Variants in CNBD1 observed in about 807,000 individuals in gnomAD.
The protein encoded by CNBD1 is cyclic nucleotide binding domain containing 1, also known as cyclic nucleotide-binding domain-containing protein 1.
Under a neutral mutation model 54.4 loss-of-function variants are expected in CNBD1, and 71 were observed. The observed-to-expected ratio is 1.30, with a 90% CI of 1.08 to 1.59. The LOEUF (loss-of-function observed/expected upper bound fraction) is 1.59. CNBD1 is among the 40% of genes most tolerant of loss of function. The pLI is 0.00. For missense variants in CNBD1, 659 were observed against 518.0 expected (o/e 1.27, Z -2.64); for synonymous variants, 182 against 170.7 (o/e 1.07, Z -0.51).
intron 6 of CNBD1, among the ~76,000 whole-genome samples, chr8:87,264,305 A>G (rs891553727): frequency 6.6e-6 from 1 of 152,126 alleles, no homozygotes; most frequent in African/African-American, 2.4e-5. Context: ...AGCTTCATCC[A>G]TGTCCCTACA....
intron 6 of CNBD1, among the ~76,000 whole-genome samples, chr8:87,248,334 G>C (rs542887166): frequency 1.3e-5 from 2 of 152,284 alleles, no homozygotes; most frequent in South Asian, 4.1e-4. Context: ...TCTCCTAAAA[G>C]TTCACAATGG....
intron 4 of CNBD1, among the ~76,000 whole-genome samples, chr8:87,167,937 C>G (rs1443191056): frequency 1.3e-5 from 2 of 151,950 alleles, no homozygotes; most frequent in East Asian, 3.9e-4. Context: ...GGCTATATAA[C>G]ATAGCTATTG....
At chr8:87,403,832 G>T (rs1184184145) in intron 2 of CNBD1, among the ~76,000 whole-genome samples, 1 of 151,754 alleles carries the variant, frequency 6.6e-6, no homozygotes, top group Non-Finnish European at 1.5e-5. Flanking sequence ...CAATTCTTTT[G>T]GATCCCTGGA....
intron 6 of CNBD1, among the ~76,000 whole-genome samples, chr8:87,272,065 G>A (rs1246285591): frequency 6.6e-6 from 1 of 151,906 alleles, no homozygotes; most frequent in South Asian, 2.1e-4. Flanking sequence ...TAAAATGTAG[G>A]CTGGTGGTTA....
At chr8:87,093,162 A>AC (rs1266004824) in intron 4 of CNBD1, among the ~76,000 whole-genome samples, 1 of 152,186 alleles carries the variant, frequency 6.6e-6, no homozygotes, top group Non-Finnish European at 1.5e-5. Flanking sequence ...ACTTAGGAAA[A>AC]TGGCTAATTC....
intron 4 of CNBD1, among the ~76,000 whole-genome samples, chr8:87,175,908 G>C (rs1360648197): frequency 6.6e-6 from 1 of 152,200 alleles, no homozygotes; most frequent in Non-Finnish European, 1.5e-5. Flanking sequence ...TGGGATGGGT[G>C]ATTCTCCTCT....
At chr8:87,423,366 A>G (rs36141716) in intron 2 of CNBD1, among the ~76,000 whole-genome samples, 78,491 of 142,478 alleles carry the variant, frequency 0.55, 23,147 homozygotes, top group African/African-American at 0.75. Context: ...TTTTCAAAGG[A>G]AATGCTTCCA....
intron 4 of CNBD1, among the ~76,000 whole-genome samples, chr8:87,144,562 G>A (rs1275128854): frequency 6.6e-6 from 1 of 152,088 alleles, no homozygotes; most frequent in Non-Finnish European, 1.5e-5. Flanking sequence ...AAATGTAATT[G>A]TAGAATCCCA....
chr8:87,109,267 A>G (rs921983676), intron 4 of CNBD1, among the ~76,000 whole-genome samples: 10 of 151,920 alleles, frequency 6.6e-5, no homozygotes, highest in African/African-American at 9.7e-5. Context: ...TCATAGGACT[A>G]TTTTGTCTTT....
At chr8:86,886,370 C>A (rs1346711743) in intron 1 of CNBD1, among the ~76,000 whole-genome samples, 10 of 152,056 alleles carry the variant, frequency 6.6e-5, no homozygotes, top group Non-Finnish European at 1.5e-4. Flanking sequence ...TTAAGGCTTA[C>A]CTGAGCAATG....
At chr8:87,303,275 G>C (rs578059585) in intron 8 of CNBD1, among the ~76,000 whole-genome samples, 1 of 151,772 alleles carries the variant, frequency 6.6e-6, no homozygotes, top group Admixed American at 6.6e-5. Flanking sequence ...CATGGTACTG[G>C]TACCAAAACA....
intron 5 of CNBD1, among the ~76,000 whole-genome samples, chr8:87,210,909 C>T (rs917524056): frequency 2.0e-5 from 3 of 152,162 alleles, no homozygotes; most frequent in Non-Finnish European, 4.4e-5. Flanking sequence ...CACTACTGTT[C>T]TCTAGACCCC....
intron 10 of CNBD1, among the ~76,000 whole-genome samples, chr8:87,372,210 C>A (rs1269971902): frequency 2.6e-5 from 4 of 151,848 alleles, no homozygotes; most frequent in African/African-American, 7.3e-5. Context: ...AAACAGAGAG[C>A]CAAATCATGA....
chr8:87,235,062 T>C (rs1320367929), intron 5 of CNBD1, among the ~76,000 whole-genome samples: 8 of 152,202 alleles, frequency 5.3e-5, no homozygotes, highest in Admixed American at 5.2e-4. Flanking sequence ...AACCAAACTC[T>C]GCTAGCTCTC....
chr8:87,405,612 T>G (rs111663001), intron 2 of CNBD1, among the ~76,000 whole-genome samples: 6 of 152,238 alleles, frequency 3.9e-5, no homozygotes, highest in African/African-American at 1.4e-4. Context: ...AGTGAAAAAC[T>G]ACAAGGGTGA....
At chr8:87,000,493 G>A (rs912385933) in intron 4 of CNBD1, among the ~76,000 whole-genome samples, 1 of 152,094 alleles carries the variant, frequency 6.6e-6, no homozygotes, top group African/African-American at 2.4e-5. Flanking sequence ...ATGAGACTTA[G>A]AGCAAATTAT....
chr8:86,917,145 A>C (rs1586133085), intron 3 of CNBD1, among the ~76,000 whole-genome samples: 1 of 118,230 alleles, frequency 8.5e-6, no homozygotes, highest in Admixed American at 9.0e-5. Flanking sequence ...CTGTCTCAAA[A>C]AAGAAAAAAA....
rs1376998212 is a variant in CNBD1, at chr8:87,165,498, A to C, written c.432-40495A>C. ...AATGGATCGACACTTTTGTTATTAT[A>C]AAATGACCTTGTTTGTCTCTTGTGA... On this transcript the variant is annotated intron_variant, in intron 4 of 10. Coordinates refer to ENST00000518476, the MANE Select transcript of CNBD1 (RefSeq NM_173538.3). Among the ~76,000 whole-genome samples the C allele has an allele frequency of 3.9e-5, 6 of 152,146 alleles. 1 individual carries two copies. The East Asian group carries it at 9.7e-4, about 25-fold the overall frequency.
chr8:87,218,133 A>G (rs919619086), intron 5 of CNBD1, among the ~76,000 whole-genome samples: 1 of 152,024 alleles, frequency 6.6e-6, no homozygotes, highest in Non-Finnish European at 1.5e-5. Flanking sequence ...TCCCAAAGCT[A>G]TTTGTTCCTC....
Sources: gnomAD v4.1 joint callset for allele counts (sites outside exome capture counted in the v4.1 genomes callset) on GRCh38, gnomAD v4.1.1 for gene constraint, MANE v1.5 for transcripts, NCBI Gene and HGNC (gene_info 2026-07-23, HGNC 2026-07-21) for gene names.